MORC1: variants seen among roughly 807,000 people sequenced by gnomAD.
The protein encoded by MORC1 is MORC family CW-type zinc finger protein 1.
In MORC1, 59 loss-of-function variants were observed where a neutral mutation model predicts 134.9. The observed-to-expected ratio is 0.44, with a 90% CI of 0.35 to 0.54. The LOEUF (loss-of-function observed/expected upper bound fraction) is 0.54. Among genes scored for constraint, MORC1 ranks in the 20% least tolerant of loss-of-function variants. The probability of loss-of-function intolerance (pLI) is 0.00; values close to 1 mark genes in which losing one functional copy is unlikely to be tolerated. For synonymous variants in MORC1, 395 were observed against 391.7 expected, an observed-to-expected ratio of 1.01 and a Z score of -0.10; for missense variants, 947 against 1,134.5, an observed-to-expected ratio of 0.83 and a Z score of 2.37.
At chr3:109,111,050 T>TAA (rs11344763) in intron 2 of MORC1, among the ~76,000 whole-genome samples, 14 of 113,872 alleles carry the variant, frequency 1.2e-4, no homozygotes, top group African/African-American at 3.4e-4. Flanking sequence ...GGATATAATT[T>TAA]AAAAAAAAAA....
chr3:109,019,801 C>T (rs1159176312), intron 17 of MORC1, among the ~76,000 whole-genome samples: 2 of 152,254 alleles, frequency 1.3e-5, no homozygotes, highest in African/African-American at 2.4e-5. Context: ...TCATCCTTCT[C>T]GTTAGGTTTC....
chr3:109,065,369 ACTGTCC>A (rs1950173824), intron 9 of MORC1, among the ~76,000 whole-genome samples: 3 of 152,040 alleles, frequency 2.0e-5, no homozygotes, highest in Non-Finnish European at 4.4e-5. Context: ...CTTTGCACTT[ACTGTCC>A]CCTCCTTCTA....
At chr3:109,012,860 T>A (rs1421561356) in intron 17 of MORC1, among the ~76,000 whole-genome samples, 1 of 152,228 alleles carries the variant, frequency 6.6e-6, no homozygotes, top group Non-Finnish European at 1.5e-5. Context: ...AAAAAACTTT[T>A]ACCTCTTCTT....
chr3:109,014,254 T>TA (rs1948764666), intron 17 of MORC1, among the ~76,000 whole-genome samples: 1 of 152,240 alleles, frequency 6.6e-6, no homozygotes. Flanking sequence ...GTCTAATAGT[T>TA]ACATGTTGAC....
At chr3:109,073,313 G>A (rs9835632) in intron 8 of MORC1, among the ~76,000 whole-genome samples, 30,982 of 152,190 alleles carry the variant, frequency 0.2, 3,505 homozygotes, top group Middle Eastern at 0.32. Flanking sequence ...CTGTGGCTAA[G>A]GCCATAGCTC....
chr3:109,103,745 T>C, intron 4 of MORC1, 104 bp downstream of exon 4: 4 of 1,000,176 alleles, frequency 4.0e-6, no homozygotes, highest in South Asian at 3.2e-5. Context: ...CTTTCTTTAA[T>C]AGCTCCATAC....
At chr3:108,960,019 G>T (rs1454901107) in intron 27 of MORC1, among the ~76,000 whole-genome samples, 2 of 152,076 alleles carry the variant, frequency 1.3e-5, no homozygotes, top group African/African-American at 4.8e-5. Context: ...TAGACTGAGG[G>T]GGCTATAGGA....
intron 15 of MORC1, among the ~76,000 whole-genome samples, chr3:109,033,311 AGG>A (rs1949285613): frequency 2.0e-5 from 3 of 149,306 alleles, no homozygotes; most frequent in Admixed American, 1.3e-4. Context: ...GAAGGAAGGA[AGG>A]AAGGAAGGAA....
At chr3:109,057,261 T>C in intron 13 of MORC1, 82 bp downstream of exon 13, 22 of 1,396,954 alleles carry the variant, frequency 1.6e-5, no homozygotes, top group Non-Finnish European at 2.1e-5. Flanking sequence ...TTGTGATTAG[T>C]CACTCATCTC....
rs547429539 is a variant in MORC1 at position 108,961,014 on chromosome 3, C to T, written c.2800-1894G>A. Among the ~76,000 whole-genome samples, 51 of 152,262 alleles carry T rather than the reference C, an allele frequency of 3.3e-4. 1 individual carries two copies. The South Asian group carries it at 7.0e-3, about 21-fold the overall frequency. On this transcript the variant is annotated intron_variant, in intron 27 of 27. Transcript: ENST00000232603. ...CATTTTGACTTTTAACTTTTAATCC[C>T]GTTTTTCCATAAACTGAGGTCTCCT...
intron 23 of MORC1, among the ~76,000 whole-genome samples, chr3:108,981,047 C>T (rs945726068): frequency 6.6e-6 from 1 of 151,806 alleles, no homozygotes; most frequent in Admixed American, 6.6e-5. Context: ...AAATAACTCA[C>T]GGTAAGGATG....
intron 11 of MORC1, 41 bp from the exon 12 acceptor site, chr3:109,059,911 G>T: frequency 1.3e-6 from 2 of 1,548,720 alleles, no homozygotes; most frequent in South Asian, 1.2e-5. Flanking sequence ...TAATGCCACT[G>T]AATTAACAAA....
intron 17 of MORC1, among the ~76,000 whole-genome samples, chr3:109,015,682 A>C (rs928281105): frequency 6.6e-6 from 1 of 152,168 alleles, no homozygotes; most frequent in Non-Finnish European, 1.5e-5. Flanking sequence ...TTCTTTTCCC[A>C]CAGTTCTTTC....
chr3:108,997,528 A>C (rs1436043141), intron 21 of MORC1, among the ~76,000 whole-genome samples: 4 of 152,184 alleles, frequency 2.6e-5, no homozygotes, highest in Non-Finnish European at 5.9e-5. Flanking sequence ...AAAAGGTAAA[A>C]TAAAAAAATA....
At chr3:108,980,663 C>T (rs73200691) in intron 23 of MORC1, among the ~76,000 whole-genome samples, 45,490 of 151,982 alleles carry the variant, frequency 0.3, 7,650 homozygotes, top group Non-Finnish European at 0.37. Context: ...AGTGAACCTG[C>T]GATGTGGTTA....
At chr3:108,977,397 T>C (rs978327259) in intron 24 of MORC1, among the ~76,000 whole-genome samples, 3 of 152,196 alleles carry the variant, frequency 2.0e-5, no homozygotes, top group African/African-American at 7.2e-5. Context: ...ACTATTATTT[T>C]TATGGAGACA....
chr3:108,987,001 T>G, intron 21 of MORC1, 52 bp from the exon 22 acceptor site: 1 of 1,369,534 alleles, frequency 7.3e-7, no homozygotes, highest in South Asian at 1.6e-5. Context: ...GGACATATTA[T>G]AAACTTGACA....
intron 17 of MORC1, among the ~76,000 whole-genome samples, chr3:109,016,469 A>G (rs1374598036): frequency 6.6e-6 from 1 of 152,192 alleles, no homozygotes; most frequent in African/African-American, 2.4e-5. Flanking sequence ...TCTTTTCTAC[A>G]ATCTCAGAGG....
At chr3:109,001,130 C>A (rs1004497804) in intron 20 of MORC1, among the ~76,000 whole-genome samples, 1 of 151,890 alleles carries the variant, frequency 6.6e-6, no homozygotes, top group Non-Finnish European at 1.5e-5. Context: ...GCTTATCTTT[C>A]TTTTTATTTT....
Sources: gnomAD v4.1 joint callset for allele counts (sites outside exome capture counted in the v4.1 genomes callset) on GRCh38, gnomAD v4.1.1 for gene constraint, MANE v1.5 for transcripts, NCBI Gene and HGNC (gene_info 2026-07-23, HGNC 2026-07-21) for gene names.